Variants in ADGRL2 observed in about 807,000 individuals in gnomAD.
ADGRL2 encodes the protein calcium-independent alpha-latrotoxin receptor 2.
Under a neutral mutation model 157.4 loss-of-function variants are expected in ADGRL2, and 44 were observed. That is an observed-to-expected ratio of 0.28 (90% CI 0.22 to 0.36). The LOEUF is 0.36. Ranked by LOEUF, ADGRL2 falls within the 10% of genes least tolerant of loss-of-function variation. The pLI is 1.00. For synonymous variants in ADGRL2, 585 were observed against 624.7 expected, an observed-to-expected ratio of 0.94 and a Z score of 0.95; for missense variants, 1,510 against 1,768.9, an observed-to-expected ratio of 0.85 and a Z score of 2.63.
chr1:81,661,004 A>C, intron 3 of ADGRL2, among the ~76,000 whole-genome samples: 1 of 152,220 alleles, frequency 6.6e-6, no homozygotes, highest in East Asian at 1.9e-4. Context: ...TTGCCCAGTC[A>C]GAAAGACTTT....
intron 1 of ADGRL2, among the ~76,000 whole-genome samples, chr1:81,823,935 T>G (rs11163384): frequency 0.54 from 82,739 of 151,898 alleles, 23,281 homozygotes; most frequent in Middle Eastern, 0.78. Context: ...TGCTAAAAAA[T>G]AAATATTTCA....
At chr1:81,770,393 C>T (rs2086312039) in intron 2 of ADGRL2, among the ~76,000 whole-genome samples, 1 of 151,702 alleles carries the variant, frequency 6.6e-6, no homozygotes, top group East Asian at 1.9e-4. Context: ...GAACTCCTAG[C>T]CCTGTAATTC....
In ADGRL2 at chr1:81,358,493, C is replaced by T. The variant is rs60350566; in HGVS notation, c.-302+51984C>T. 3.3e-5 allele frequency among the ~76,000 whole-genome samples: 5 copies of T among 152,224 alleles called. No individual in the cohort carries two copies. In the East Asian group the frequency reaches 9.6e-4, roughly 29 times the overall value. ...TCTGAGCCCCTGAATAATCCCAATT[C>T]AAAAACAGATATGTGTGCAGTAGAG... On this transcript the variant is annotated intron_variant, in intron 1 of 24. Transcript: ENST00000370721.
At chr1:81,567,106 A>C (rs1355779047) in intron 2 of ADGRL2, among the ~76,000 whole-genome samples, 1 of 152,070 alleles carries the variant, frequency 6.6e-6, no homozygotes, top group African/African-American at 2.4e-5. Flanking sequence ...CTTTATTAAC[A>C]ATGTGGGGAT....
At chr1:81,759,218 T>A (rs1455795347) in intron 1 of ADGRL2, among the ~76,000 whole-genome samples, 1 of 152,156 alleles carries the variant, frequency 6.6e-6, no homozygotes, top group Non-Finnish European at 1.5e-5. Flanking sequence ...ATAGAAAGCA[T>A]CTTTTTGGTT....
chr1:81,616,041 C>G (rs1052227948), intron 3 of ADGRL2, among the ~76,000 whole-genome samples: 1 of 150,520 alleles, frequency 6.6e-6, no homozygotes, highest in East Asian at 2.0e-4. Flanking sequence ...TCACCCTTCC[C>G]CACCCCCACC....
intron 2 of ADGRL2, among the ~76,000 whole-genome samples, chr1:81,870,743 A>T (rs1045054578): frequency 6.6e-6 from 1 of 152,080 alleles, no homozygotes; most frequent in Non-Finnish European, 1.5e-5. Context: ...TTATTCATTT[A>T]TGTGTTAGCA....
intron 1 of ADGRL2, among the ~76,000 whole-genome samples, chr1:81,341,379 T>G (rs189335604): frequency 1.1e-3 from 166 of 152,190 alleles, no homozygotes; most frequent in Admixed American, 9.8e-3. Flanking sequence ...CTCTGTGGCC[T>G]CTTCAAAAAG....
intron 2 of ADGRL2, among the ~76,000 whole-genome samples, chr1:81,500,981 T>A (rs940446849): frequency 6.6e-6 from 1 of 152,138 alleles, no homozygotes; most frequent in Admixed American, 6.5e-5. Context: ...TCGAGTCAGA[T>A]CTCCAAATTG....
chr1:81,615,612 C>T lies in ADGRL2; in HGVS notation c.-143+34632C>T, dbSNP rs1254500548. ...CACCGCGAGGGTCTGCGGCTTCAAT[C>T]TTGAAGTCAGCGAGACCAAGAACCC... On this transcript the variant is annotated intron_variant, in intron 3 of 24. Coordinates refer to the ADGRL2 transcript ENST00000370721. 4.6e-5 allele frequency among the ~76,000 whole-genome samples: 7 copies of T among 152,310 alleles called. No homozygotes were observed. The Middle Eastern group carries it at 0.01, about 222-fold the overall frequency.
chr1:81,571,361 T>A (rs948920141), intron 2 of ADGRL2, among the ~76,000 whole-genome samples: 19 of 146,658 alleles, frequency 1.3e-4, no homozygotes, highest in East Asian at 3.9e-4. Context: ...TATATATATA[T>A]AATATATATT....
At chr1:81,772,003 A>C (rs909684642) in intron 2 of ADGRL2, among the ~76,000 whole-genome samples, 1 of 152,186 alleles carries the variant, frequency 6.6e-6, no homozygotes, top group Non-Finnish European at 1.5e-5. Flanking sequence ...TAATCCCAGC[A>C]CTTTGGGAGG....
intron 3 of ADGRL2, among the ~76,000 whole-genome samples, chr1:81,613,555 G>A (rs953262672): frequency 6.6e-6 from 1 of 151,930 alleles, no homozygotes; most frequent in Admixed American, 6.6e-5. Context: ...GAAGAGTGCA[G>A]GGCAGACAGA....
At chr1:81,548,634 A>C (rs1001488270) in intron 2 of ADGRL2, among the ~76,000 whole-genome samples, 3 of 151,800 alleles carry the variant, frequency 2.0e-5, no homozygotes, top group Non-Finnish European at 2.9e-5. Flanking sequence ...AGGTATTTTC[A>C]CTCTCAATTT....
chr1:81,444,531 T>C (rs1169054821), intron 1 of ADGRL2, among the ~76,000 whole-genome samples: 1 of 152,252 alleles, frequency 6.6e-6, no homozygotes, highest in Admixed American at 6.5e-5. Flanking sequence ...GAGGAACAGA[T>C]GCTCAGTTCC....
At chr1:81,984,058 G>A (rs951812901) in intron 19 of ADGRL2, among the ~76,000 whole-genome samples, 1 of 151,932 alleles carries the variant, frequency 6.6e-6, no homozygotes, top group Non-Finnish European at 1.5e-5. Context: ...CTTTATTCTT[G>A]TGCCAAAGTA....
intron 3 of ADGRL2, among the ~76,000 whole-genome samples, chr1:81,682,967 T>A (rs1182904472): frequency 6.6e-6 from 1 of 152,134 alleles, no homozygotes; most frequent in Non-Finnish European, 1.5e-5. Context: ...CCCCTGTCTC[T>A]ACTAAAAATA....
At chr1:81,554,512 T>A (rs904275236) in intron 2 of ADGRL2, among the ~76,000 whole-genome samples, 3 of 151,970 alleles carry the variant, frequency 2.0e-5, no homozygotes, top group African/African-American at 7.2e-5. Context: ...AATTTTTGAA[T>A]GTAATAAAGA....
intron 2 of ADGRL2, among the ~76,000 whole-genome samples, chr1:81,521,605 TC>T (rs2079316566): frequency 6.6e-6 from 1 of 152,078 alleles, no homozygotes; most frequent in African/African-American, 2.4e-5. Context: ...TGAAGCAGAG[TC>T]TGTAAGTGGT....
Sources: gnomAD v4.1 joint callset for allele counts (sites outside exome capture counted in the v4.1 genomes callset) on GRCh38, gnomAD v4.1.1 for gene constraint, MANE v1.5 for transcripts, NCBI Gene and HGNC (gene_info 2026-07-23, HGNC 2026-07-21) for gene names.